CFTR: variants seen among roughly 807,000 people sequenced by gnomAD.
The protein encoded by CFTR is cystic fibrosis transmembrane conductance regulator.
CFTR carries 181 observed loss-of-function variants against 171.6 expected under a neutral mutation model. The observed-to-expected ratio is 1.05, with a 90% CI of 0.93 to 1.19. The LOEUF (loss-of-function observed/expected upper bound fraction) is 1.19, where lower values mean the gene tolerates loss of function less well. Ranked by LOEUF, CFTR falls within the 50% of genes most tolerant of loss-of-function variation. The pLI is 0.00. For missense variants in CFTR, 1,968 were observed against 1,734.7 expected, an observed-to-expected ratio of 1.13 and a Z score of -2.39; for synonymous variants, 583 against 608.0, an observed-to-expected ratio of 0.96 and a Z score of 0.60.
intron 11 of CFTR, among the ~76,000 whole-genome samples, chr7:117,568,966 G>A (rs896706299): frequency 4.6e-5 from 7 of 152,154 alleles, no homozygotes; most frequent in Admixed American, 2.6e-4. Context: ...ACTATCTGCC[G>A]AGGCAGGTTG....
intron 1 of CFTR, among the ~76,000 whole-genome samples, chr7:117,491,031 ATAC>A (rs1324335839): frequency 2.6e-5 from 4 of 152,072 alleles, no homozygotes; most frequent in Non-Finnish European, 4.4e-5. Context: ...CGTTGTGAGA[ATAC>A]TATAGAGTAT....
Position 117,667,329 on chromosome 7 carries a change from G to C in CFTR, c.*221G>C, listed in dbSNP as rs1192279142. 1 of 538,116 alleles carries C rather than the reference G, an allele frequency of 1.9e-6. No individual in the cohort carries two copies. The highest frequency in any genetic ancestry group is 1.9e-5 in the African/African-American group (1 of 52,640). The allele number at this position is 538,116 out of a possible 1,614,324, so 33.3% of individuals were successfully genotyped here. On this transcript the variant is annotated 3_prime_UTR_variant, in exon 27 of 27. Transcript: ENST00000003084. ...CTGGCAATAGTCAAATTGTGTGAAA[G>C]GTACTTCAAATCCTTGAAGATTTAC...
intron 10 of CFTR, among the ~76,000 whole-genome samples, chr7:117,553,212 A>C (rs1799299941): frequency 6.8e-6 from 1 of 146,364 alleles, no homozygotes; most frequent in Non-Finnish European, 1.5e-5. Context: ...TTGTTATAGC[A>C]GCCTGAACAA....
At chr7:117,513,689 T>C (rs1428859489) in intron 3 of CFTR, among the ~76,000 whole-genome samples, 7 of 152,220 alleles carry the variant, frequency 4.6e-5, no homozygotes, top group Non-Finnish European at 7.3e-5. Context: ...CTTTGATTTA[T>C]GTATATCTCT....
At chr7:117,626,752 G>A (rs1015288008) in intron 21 of CFTR, among the ~76,000 whole-genome samples, 4 of 151,336 alleles carry the variant, frequency 2.6e-5, no homozygotes, top group Non-Finnish European at 4.4e-5. Flanking sequence ...CCAAATTCCC[G>A]TAAGTCATAA....
intron 1 of CFTR, among the ~76,000 whole-genome samples, chr7:117,491,068 AT>A (rs1370861376): frequency 2.6e-5 from 4 of 152,138 alleles, no homozygotes; most frequent in Admixed American, 2.6e-4. Flanking sequence ...TAGATGTCGT[AT>A]AGCCTACTAC....
intron 3 of CFTR, among the ~76,000 whole-genome samples, chr7:117,519,259 G>A (rs1221649621): frequency 6.6e-6 from 1 of 152,010 alleles, no homozygotes; most frequent in African/African-American, 2.4e-5. Flanking sequence ...ATTCTTCAGT[G>A]GATTAAGCGT....
At chr7:117,543,755 C>G (rs993413323) in intron 9 of CFTR, among the ~76,000 whole-genome samples, 1 of 152,150 alleles carries the variant, frequency 6.6e-6, no homozygotes, top group Non-Finnish European at 1.5e-5. Flanking sequence ...GTCTTTGTCA[C>G]CTAAACTCTG....
intron 7 of CFTR, among the ~76,000 whole-genome samples, chr7:117,538,930 C>A (rs971445309): frequency 1.3e-5 from 2 of 152,182 alleles, no homozygotes; most frequent in Non-Finnish European, 2.9e-5. Context: ...TTACATTTTA[C>A]TTTTCAGGCT....
intron 7 of CFTR, among the ~76,000 whole-genome samples, chr7:117,539,296 A>G (rs186015429): frequency 1.3e-5 from 2 of 152,336 alleles, no homozygotes; most frequent in East Asian, 3.9e-4. Flanking sequence ...TTCAGACTAG[A>G]AGATTGAACG....
At chr7:117,572,433 TA>T (rs1297373749) in intron 11 of CFTR, among the ~76,000 whole-genome samples, 1 of 152,192 alleles carries the variant, frequency 6.6e-6, no homozygotes, top group Non-Finnish European at 1.5e-5. Flanking sequence ...CAATCTTTCC[TA>T]AAAAAACAGA....
rs566045464 is a variant in CFTR at position 117,599,231 on chromosome 7, G to T, written c.2620-3595G>T. ...TAACCAACCCTTTATAATTGTTAAT[G>T]ATTTGAACCTCTGCCTTGAAAGATC... On this transcript the variant is annotated intron_variant, in intron 15 of 26. Transcript: ENST00000003084. Among the ~76,000 whole-genome samples the T allele has an allele frequency of 3.3e-5, 5 of 152,246 alleles. No homozygotes were observed. In the East Asian group the frequency reaches 5.8e-4, roughly 18 times the overall value.
intron 20 of CFTR, among the ~76,000 whole-genome samples, chr7:117,612,514 T>C (rs976001438): frequency 6.6e-6 from 1 of 152,134 alleles, no homozygotes; most frequent in African/African-American, 2.4e-5. Flanking sequence ...GTAAATTTGT[T>C]TCTCTAATTT....
intron 11 of CFTR, among the ~76,000 whole-genome samples, chr7:117,572,277 C>T (rs1046041246): frequency 1.3e-5 from 2 of 152,216 alleles, no homozygotes; most frequent in Non-Finnish European, 2.9e-5. Flanking sequence ...GCTGGAATTA[C>T]AGGTGTAAGT....
chr7:117,497,759 A>G (rs1217311967), intron 1 of CFTR, among the ~76,000 whole-genome samples: 3 of 152,128 alleles, frequency 2.0e-5, no homozygotes, highest in African/African-American at 7.2e-5. Flanking sequence ...TAATATTGAT[A>G]GTGAGCATTA....
intron 12 of CFTR, among the ~76,000 whole-genome samples, chr7:117,588,669 A>G (rs1791982938): frequency 6.6e-6 from 1 of 152,140 alleles, no homozygotes; most frequent in South Asian, 2.1e-4. Flanking sequence ...GTAGTATTCT[A>G]GTCATGTGTG....
At chr7:117,657,123 G>C (rs1050982728) in intron 24 of CFTR, among the ~76,000 whole-genome samples, 7 of 152,140 alleles carry the variant, frequency 4.6e-5, no homozygotes, top group Admixed American at 4.6e-4. Context: ...AAACTTGGGA[G>C]GGAAGACATT....
chr7:117,665,520 T>C lies in CFTR; in HGVS notation c.4198T>C (p.Cys1400Arg), dbSNP rs1793359568. The part of the protein sequence containing the change: ...QAFADCTVIL[C>R]EHRIEAMLEC... ...ATTTGCTGATTGCACAGTAATTCTCTGTGAACACAGGATAGAAGCAATGCT... is the reference window on the plus strand; with the variant it reads ...ATTTGCTGATTGCACAGTAATTCTCCGTGAACACAGGATAGAAGCAATGCT... Residue 1400 changes from cysteine (C) to arginine (R), a missense_variant, in exon 26 of 27, where the codon TGT (cysteine) becomes CGT (arginine). Physicochemically the swap from Cys to Arg is radical, Grantham distance 180. Transcript: ENST00000003084. 1.9e-6 allele frequency: 3 copies of C among 1,613,446 alleles called. No individual in the cohort carries two copies. The highest frequency in any genetic ancestry group is 2.5e-6 in the Non-Finnish European group (3 of 1,179,506).
In CFTR at chr7:117,627,720, G is replaced by A. The variant is rs1320914611; in HGVS notation, c.3667G>A (p.Gly1223Arg). 2.5e-6 allele frequency: 4 copies of A among 1,613,108 alleles called. No homozygotes were observed. The South Asian group carries it at 3.3e-5, about 13-fold the overall frequency. The change falls in exon 22 of 27, where the codon GGA becomes AGA. Residue 1223 changes from glycine to arginine, a missense_variant. By Grantham distance (125) the Gly-to-Arg change is moderately radical. Coordinates refer to ENST00000003084, the MANE Select transcript of CFTR (RefSeq NM_000492.4). ...KDLTAKYTEG[G>R]NAILENISFS... ...TCTCACAGCAAAATACACAGAAGGT[G>A]GAAATGCCATATTAGAGAACATTTC...
Sources: allele counts gnomAD v4.1 joint callset (sites outside exome capture counted in the v4.1 genomes callset), GRCh38; gene constraint gnomAD v4.1.1; transcripts MANE v1.5; gene names NCBI Gene and HGNC (gene_info 2026-07-23, HGNC 2026-07-21).